Variants in CLVS1 observed in about 807,000 individuals in gnomAD.
CLVS1 encodes the protein clavesin 1.
In CLVS1, 10 loss-of-function variants were observed where a neutral mutation model predicts 33.1. That is an observed-to-expected ratio of 0.30 (90% confidence interval 0.19 to 0.51). CLVS1 has a LOEUF of 0.51. Among genes scored for constraint, CLVS1 ranks in the 20% least tolerant of loss-of-function variants. The probability of loss-of-function intolerance (pLI) is 0.97; values close to 1 mark genes in which losing one functional copy is unlikely to be tolerated. For missense variants in CLVS1, 343 were observed against 433.4 expected, an observed-to-expected ratio of 0.79 and a Z score of 1.85; for synonymous variants, 163 against 166.1, an observed-to-expected ratio of 0.98 and a Z score of 0.14.
At chr8:61,091,737 C>A (rs924810436) in intron 1 of CLVS1, among the ~76,000 whole-genome samples, 4 of 152,132 alleles carry the variant, frequency 2.6e-5, no homozygotes, top group African/African-American at 4.8e-5. Flanking sequence ...AAATAAAAAA[C>A]CTCTCTCTGG....
intron 2 of CLVS1, among the ~76,000 whole-genome samples, chr8:61,314,169 T>C (rs1367528603): frequency 6.6e-6 from 1 of 152,212 alleles, no homozygotes; most frequent in Non-Finnish European, 1.5e-5. Flanking sequence ...GCTTTGTGAA[T>C]GGCTTTTTTG....
At chr8:61,219,119 A>G (rs1808155409) in intron 2 of CLVS1, among the ~76,000 whole-genome samples, 1 of 152,192 alleles carries the variant, frequency 6.6e-6, no homozygotes, top group Admixed American at 6.5e-5. Context: ...TGATGGCTGC[A>G]GTCATTTATT....
intron 2 of CLVS1, among the ~76,000 whole-genome samples, chr8:61,330,291 C>T (rs1034255377): frequency 6.6e-6 from 1 of 152,026 alleles, no homozygotes; most frequent in Admixed American, 6.5e-5. Context: ...TGAGGGTTCT[C>T]GTGCAAGTCC....
intron 5 of CLVS1, among the ~76,000 whole-genome samples, chr8:61,485,380 C>G (rs1401934838): frequency 6.6e-6 from 1 of 152,154 alleles, no homozygotes; most frequent in African/African-American, 2.4e-5. Flanking sequence ...AAATGCAAAT[C>G]AAAACCACAA....
rs576427227 is a variant in CLVS1, at chr8:61,234,085, T to C, written c.-151-65592T>C. ...GAAGGGATGATGGGAGGGGCTGAGG[T>C]GGCAGTGGCAAGGGTAGGAGGGTAG... On this transcript the variant is annotated intron_variant, in intron 2 of 2. Transcript: ENST00000522621. 2.6e-5 allele frequency among the ~76,000 whole-genome samples: 4 copies of C among 152,222 alleles called. No individual in the cohort carries two copies. The South Asian group carries it at 6.2e-4, about 24-fold the overall frequency.
chr8:61,455,165 C>A (rs539363676), intron 4 of CLVS1, among the ~76,000 whole-genome samples: 1 of 138,274 alleles, frequency 7.2e-6, no homozygotes, highest in East Asian at 2.1e-4. Context: ...CTATCACCTC[C>A]TATAATTATG....
chr8:61,031,732 C>G, the CLVS1 span, among the ~76,000 whole-genome samples: 1 of 152,156 alleles, frequency 6.6e-6, no homozygotes, highest in Non-Finnish European at 1.5e-5. Context: ...TAATTCAATA[C>G]AGAATGGGGA....
intron 2 of CLVS1, among the ~76,000 whole-genome samples, chr8:61,158,029 C>T (rs1806682919): frequency 6.6e-6 from 1 of 152,120 alleles, no homozygotes; most frequent in African/African-American, 2.4e-5. Flanking sequence ...GTTATAGCAG[C>T]CTTATTATAC....
At chr8:61,239,170 T>G (rs1808636989) in intron 2 of CLVS1, among the ~76,000 whole-genome samples, 1 of 152,228 alleles carries the variant, frequency 6.6e-6, no homozygotes, top group African/African-American at 2.4e-5. Flanking sequence ...GTTTAATTTT[T>G]TTGTTTAATT....
chr8:61,042,758 C>G, the CLVS1 span, among the ~76,000 whole-genome samples: 1 of 152,092 alleles, frequency 6.6e-6, no homozygotes, highest in Non-Finnish European at 1.5e-5. Flanking sequence ...TGGAAGGGAA[C>G]AAGAATGAAG....
rs10653874 is a variant in CLVS1 at position 61,150,101 on chromosome 8, G to GGTGTGTGTGTGTGTGTGTGTGTGTGTGT, written c.-152+18268_-152+18269insTGTGTGTGTGTGTGTGTGTGTGTGTGTG. Among the ~76,000 whole-genome samples the GGTGTGTGTGTGTGTGTGTGTGTGTGTGT allele has an allele frequency of 1.1e-3, 167 of 146,536 alleles. 1 individual carries two copies. The highest frequency in any genetic ancestry group is 4.0e-3 in the African/African-American group (159 of 39,274). On this transcript the variant is annotated intron_variant, in intron 2 of 2. Transcript: ENST00000522621. The stretch of plus-strand genomic sequence containing the variant: ...TGTTTCAGTTTTCTCATTTGAGAAA[G>GGTGTGTGTGTGTGTGTGTGTGTGTGTGT]GTGTGTGTGTGTGTGTGTGTGTGTG...
the CLVS1 span, among the ~76,000 whole-genome samples, chr8:61,029,301 G>A: frequency 6.6e-6 from 1 of 152,296 alleles, no homozygotes; most frequent in East Asian, 1.9e-4. Flanking sequence ...GGTGAGGCAT[G>A]GTCTCCTGCC....
At chr8:61,212,026 A>G (rs1196765585) in intron 2 of CLVS1, among the ~76,000 whole-genome samples, 1 of 152,234 alleles carries the variant, frequency 6.6e-6, no homozygotes, top group Non-Finnish European at 1.5e-5. Context: ...GTGCTGACAC[A>G]TTAATTTTGG....
chr8:61,183,231 G>T (rs1563434948), intron 2 of CLVS1, among the ~76,000 whole-genome samples: 1 of 151,966 alleles, frequency 6.6e-6, no homozygotes, highest in Non-Finnish European at 1.5e-5. Context: ...CTAGATGATG[G>T]GTTCATAGGT....
chr8:60,972,066 A>T, the CLVS1 span, among the ~76,000 whole-genome samples: 1 of 151,958 alleles, frequency 6.6e-6, no homozygotes, highest in East Asian at 1.9e-4. Flanking sequence ...GTTCACTTCT[A>T]TGCTGGCTTT....
chr8:61,284,450 A>G (rs141876883), upstream of CLVS1, among the ~76,000 whole-genome samples: 90 of 152,368 alleles, frequency 5.9e-4, 1 homozygote, highest in East Asian at 0.016. Flanking sequence ...TCATTACACA[A>G]TGAATATACG....
chr8:61,038,249 G>T, the CLVS1 span, among the ~76,000 whole-genome samples: 2 of 152,036 alleles, frequency 1.3e-5, no homozygotes, highest in Non-Finnish European at 2.9e-5. Context: ...ATATCCTTCT[G>T]CTTCCGTGGC....
At chr8:61,155,553 A>ATT (rs34967692) in intron 2 of CLVS1, among the ~76,000 whole-genome samples, 11 of 150,916 alleles carry the variant, frequency 7.3e-5, no homozygotes, top group East Asian at 1.9e-4. Context: ...AGTAGGAACA[A>ATT]TTTTTTTTTT....
chr8:61,234,174 G>A (rs909798070), intron 2 of CLVS1, among the ~76,000 whole-genome samples: 36 of 152,148 alleles, frequency 2.4e-4, no homozygotes, highest in African/African-American at 8.7e-4. Flanking sequence ...GGGGGTACCA[G>A]CCCAGGGGCA....
Sources: allele counts gnomAD v4.1 joint callset (sites outside exome capture counted in the v4.1 genomes callset), GRCh38; gene constraint gnomAD v4.1.1; transcripts MANE v1.5; gene names NCBI Gene and HGNC (gene_info 2026-07-23, HGNC 2026-07-21).